Variants in DPY19L1 observed in about 807,000 individuals in gnomAD.
The protein encoded by DPY19L1 is protein C-mannosyl-transferase DPY19L1.
A neutral mutation model predicts 96.9 loss-of-function variants in DPY19L1; 35 were observed. The ratio of observed to expected loss-of-function variants is 0.36; its 90% CI spans 0.28 to 0.48. The LOEUF (loss-of-function observed/expected upper bound fraction) is 0.48. Ranked by LOEUF, DPY19L1 falls within the 20% of genes least tolerant of loss-of-function variation. The probability of loss-of-function intolerance (pLI) is 0.99; values close to 1 mark genes in which losing one functional copy is unlikely to be tolerated. For synonymous variants in DPY19L1, 205 were observed against 252.6 expected (o/e 0.81, Z 1.79); for missense variants, 521 against 777.9 (o/e 0.67, Z 3.93).
intron 1 of DPY19L1, among the ~76,000 whole-genome samples, chr7:35,020,567 A>G (rs185836544): frequency 1.3e-5 from 2 of 152,306 alleles, no homozygotes; most frequent in East Asian, 3.9e-4. Flanking sequence ...TATTCATAAA[A>G]TGTTTTTTAT....
chr7:34,966,794 T>A, intron 10 of DPY19L1, 100 bp downstream of exon 10: 1 of 1,106,876 alleles, frequency 9.0e-7, no homozygotes, highest in Non-Finnish European at 1.2e-6. Flanking sequence ...TTGTTTTAGT[T>A]ATGAAATTGT....
intron 15 of DPY19L1, among the ~76,000 whole-genome samples, chr7:34,946,351 TG>T (rs1169734809): frequency 5.3e-5 from 8 of 152,224 alleles, no homozygotes; most frequent in Admixed American, 4.6e-4. Flanking sequence ...TCATACCTCC[TG>T]GAATTGGCCA....
At chr7:35,019,021 C>T (rs1156398613) in intron 1 of DPY19L1, among the ~76,000 whole-genome samples, 2 of 151,944 alleles carry the variant, frequency 1.3e-5, no homozygotes, top group African/African-American at 4.8e-5. Flanking sequence ...AATTTTATGA[C>T]AAATATTAAC....
chr7:35,003,022 G>A lies in DPY19L1; in HGVS notation c.764+7446C>T, dbSNP rs532748812. ...CCTGACCTTGTGATCCACCCACCTC[G>A]GCCTCCCAAAATGCTGGGATTACAG... is the stretch of plus-strand genomic sequence containing the variant. On this transcript the variant is annotated intron_variant, in intron 6 of 21. Transcript: ENST00000638088. 1.2e-4 allele frequency among the ~76,000 whole-genome samples: 18 copies of A among 152,174 alleles called. No individual in the cohort carries two copies. The South Asian group carries it at 2.7e-3, about 23-fold the overall frequency.
chr7:34,970,157 C>T (rs769429507), intron 8 of DPY19L1, among the ~76,000 whole-genome samples: 1 of 152,124 alleles, frequency 6.6e-6, no homozygotes, highest in Admixed American at 6.5e-5. Flanking sequence ...CAACGCAAAG[C>T]CCCCACACAT....
At chr7:34,970,585 A>G (rs1584227601) in intron 8 of DPY19L1, among the ~76,000 whole-genome samples, 1 of 152,296 alleles carries the variant, frequency 6.6e-6, no homozygotes, top group East Asian at 1.9e-4. Context: ...TTTCTCATAG[A>G]TCATAGTCCA....
intron 6 of DPY19L1, chr7:35,000,747 CAGAAA>C (rs1288734866): frequency 4.6e-5 from 7 of 152,138 alleles, no homozygotes; most frequent in African/African-American, 1.4e-4. Context: ...AACATCAGAA[CAGAAA>C]AGAGAACGGA....
intron 21 of DPY19L1, among the ~76,000 whole-genome samples, chr7:34,933,567 AC>A (rs1562796910): frequency 6.6e-6 from 1 of 152,190 alleles, no homozygotes; most frequent in Non-Finnish European, 1.5e-5. Flanking sequence ...GAGTCAGTGG[AC>A]TGGGAGAGGT....
intron 10 of DPY19L1, among the ~76,000 whole-genome samples, chr7:34,959,248 G>A (rs1381989899): frequency 9.2e-5 from 14 of 152,296 alleles, no homozygotes; most frequent in South Asian, 4.1e-4. Context: ...AAATAGGAAC[G>A]CTTTTACAGT....
At chr7:34,995,506 A>G (rs1314445506) in intron 6 of DPY19L1, among the ~76,000 whole-genome samples, 1 of 152,170 alleles carries the variant, frequency 6.6e-6, no homozygotes, top group African/African-American at 2.4e-5. Flanking sequence ...GTTAAAAAGG[A>G]CCTCAAAATA....
At chr7:35,022,727 C>A (rs1584261222) in intron 1 of DPY19L1, among the ~76,000 whole-genome samples, 1 of 152,118 alleles carries the variant, frequency 6.6e-6, no homozygotes, top group African/African-American at 2.4e-5. Context: ...TGAAATAATC[C>A]AAAATCATGT....
intron 6 of DPY19L1, among the ~76,000 whole-genome samples, chr7:34,996,611 C>T (rs1481263513): frequency 6.6e-6 from 1 of 151,868 alleles, no homozygotes; most frequent in Non-Finnish European, 1.5e-5. Flanking sequence ...TCCGACACCC[C>T]CTACCCAAAG....
chr7:35,024,304 G>C (rs1390593252), intron 1 of DPY19L1, among the ~76,000 whole-genome samples: 1 of 152,082 alleles, frequency 6.6e-6, no homozygotes, highest in Non-Finnish European at 1.5e-5. Context: ...AGAAGTTAAG[G>C]ACACTCCTTA....
In DPY19L1 at chr7:35,001,987, T is replaced by C. The variant is rs187537680; in HGVS notation, c.764+8481A>G. Among the ~76,000 whole-genome samples the C allele has an allele frequency of 1.2e-3, 182 of 151,032 alleles. 3 individuals are homozygous for C. The highest frequency in any genetic ancestry group is 1.2e-4 in the Non-Finnish European group (8 of 67,742). On this transcript the variant is annotated intron_variant, in intron 6 of 21. Coordinates refer to ENST00000638088, the MANE Select transcript of DPY19L1 (RefSeq NM_001366673.1). ...AAAAAATACAAAAATTGGCTGGGTG[T>C]GGTGGTGCGTGCCTGTAGTCCCAGC...
At chr7:34,969,890 T>C (rs1315197493) in intron 8 of DPY19L1, among the ~76,000 whole-genome samples, 1 of 152,216 alleles carries the variant, frequency 6.6e-6, no homozygotes, top group Non-Finnish European at 1.5e-5. Context: ...GATAGCAGCA[T>C]ATTCTAAGTG....
chr7:35,014,164 C>T (rs1456391144), intron 3 of DPY19L1, among the ~76,000 whole-genome samples: 1 of 152,022 alleles, frequency 6.6e-6, no homozygotes, highest in East Asian at 1.9e-4. Context: ...GATTTACATG[C>T]AAAAATGCAA....
chr7:34,986,821 T>C (rs1053128209), intron 7 of DPY19L1, among the ~76,000 whole-genome samples: 9 of 152,076 alleles, frequency 5.9e-5, no homozygotes, highest in African/African-American at 2.2e-4. Flanking sequence ...TTAATTTACT[T>C]TGAAGTACTT....
At chr7:34,984,014 C>T (rs987130298) in intron 7 of DPY19L1, among the ~76,000 whole-genome samples, 1 of 152,054 alleles carries the variant, frequency 6.6e-6, no homozygotes, top group Admixed American at 6.6e-5. Context: ...TTCTTATAAA[C>T]CGGTGGAAGC....
chr7:34,945,178 A>G (rs1454248433), intron 16 of DPY19L1, among the ~76,000 whole-genome samples: 5 of 152,174 alleles, frequency 3.3e-5, no homozygotes, highest in African/African-American at 1.2e-4. Context: ...GAAAATACCA[A>G]GCATGCTATA....
Sources: allele counts gnomAD v4.1 joint callset (sites outside exome capture counted in the v4.1 genomes callset), GRCh38; gene constraint gnomAD v4.1.1; transcripts MANE v1.5; gene names NCBI Gene and HGNC (gene_info 2026-07-23, HGNC 2026-07-21).